ZNF544: variants seen among roughly 807,000 people sequenced by gnomAD.
ZNF544 encodes zinc finger protein AF020591.
Under a neutral mutation model 13.5 loss-of-function variants are expected in ZNF544, and 10 were observed. The observed-to-expected ratio is 0.74, with a 90% CI of 0.46 to 1.25. ZNF544 has a LOEUF of 1.25. ZNF544 is among the 50% of genes most tolerant of loss of function. ZNF544 has a pLI of 0.00. For synonymous variants in ZNF544, 323 were observed against 300.5 expected (o/e 1.07, Z -0.77); for missense variants, 896 against 845.6 (o/e 1.06, Z -0.74).
At chr19:58,230,745 T>A (rs578101533) in intron 3 of ZNF544, among the ~76,000 whole-genome samples, 67 of 152,156 alleles carry the variant, frequency 4.4e-4, no homozygotes, top group African/African-American at 1.6e-3. Context: ...AGAGTGTTGG[T>A]CACTCTGTTC....
intron 3 of ZNF544, among the ~76,000 whole-genome samples, chr19:58,238,735 C>T (rs1380551205): frequency 6.6e-6 from 1 of 152,084 alleles, no homozygotes; most frequent in Non-Finnish European, 1.5e-5. Flanking sequence ...TTGTAGGGAT[C>T]ATTGTGGTGA....
chr19:58,269,693 G>T (rs2050390546), intron 5 of ZNF544, among the ~76,000 whole-genome samples: 1 of 151,996 alleles, frequency 6.6e-6, no homozygotes, highest in African/African-American at 2.4e-5. Context: ...GACCGAGGCA[G>T]GTGGATCACT....
intron 3 of ZNF544, among the ~76,000 whole-genome samples, chr19:58,233,451 G>C (rs2041775918): frequency 6.6e-6 from 1 of 152,104 alleles, no homozygotes; most frequent in Non-Finnish European, 1.5e-5. Flanking sequence ...CAAAAATTGT[G>C]TACTTAAAGG....
chr19:58,265,048 C>G (rs2049685047), downstream of ZNF544, among the ~76,000 whole-genome samples: 1 of 152,140 alleles, frequency 6.6e-6, no homozygotes, highest in Non-Finnish European at 1.5e-5. Flanking sequence ...CTGAATATTT[C>G]AGGGATTCGG....
At position 58,261,394 on chromosome 19, in the gene ZNF544, C is replaced by T. The variant is rs1555768087; in HGVS notation, c.788C>T (p.Thr263Ile). The T allele has an allele frequency of 6.2e-7, 1 of 1,614,126 alleles. No homozygotes were observed. Among genetic ancestry groups the T allele is most frequent in the Non-Finnish European group, 8.5e-7 (1 of 1,180,034 alleles). Residue 263 changes from threonine to isoleucine, a missense_variant, in exon 7 of 7, where the codon ACT (threonine) becomes ATT (isoleucine). Physicochemically the swap from Thr to Ile is moderately conservative, Grantham distance 89. Transcript: ENST00000687789. The part of the protein sequence containing the change: ...YGSSLCFHGR[T>I]FSVKKSDDCK... ...TCCTCCCTTTGTTTTCATGGTAGAACTTTTTCAGTGAAGAAAAGTGATGAC... is the reference window on the plus strand; with the variant it reads ...TCCTCCCTTTGTTTTCATGGTAGAATTTTTTCAGTGAAGAAAAGTGATGAC...
chr19:58,262,978 C>T lies in ZNF544; in HGVS notation c.*224C>T. 7.4e-7 allele frequency: 1 copy of T among 1,358,606 alleles called. No homozygotes were observed. The highest frequency in any genetic ancestry group is 9.5e-7 in the Non-Finnish European group (1 of 1,056,760). 84.2% of individuals were successfully genotyped at this position (1,358,606 alleles called of 1,614,324 possible). On this transcript the variant is annotated 3_prime_UTR_variant, in exon 7 of 7. Coordinates refer to ENST00000687789, the MANE Select transcript of ZNF544 (RefSeq NM_014480.4). Reference sequence around the variant, plus strand: ...CCCTTAGTAAACACGAGAGGACACACACTGGAGGCAAACCCTATGAATGTG... The same window carrying T: ...CCCTTAGTAAACACGAGAGGACACATACTGGAGGCAAACCCTATGAATGTG...
intron 6 of ZNF544, 124 bp from the exon 7 acceptor site, chr19:58,260,727 T>C (rs577547946): frequency 1.1e-6 from 1 of 897,382 alleles, no homozygotes; most frequent in East Asian, 2.7e-5. Context: ...TGCATACGGA[T>C]TACAGTTTGT....
At chr19:58,260,233 A>T (rs1361956993) in intron 6 of ZNF544, 1 of 152,386 alleles carries the variant, frequency 6.6e-6, no homozygotes, top group South Asian at 2.1e-4. Flanking sequence ...TATATCCTGC[A>T]GACCCAGTTC....
In ZNF544 at chr19:58,261,807, A is replaced by G. The variant is rs200101661; in HGVS notation, c.1201A>G (p.Thr401Ala). ...QSYDLVIHQR[T>A]HTGEKPYECD... is the part of the protein sequence containing the mutation. ...CTATGACCTTGTCATACATCAGAGG[A>G]CACACACTGGAGAGAAGCCCTATGA... is the stretch of plus-strand genomic sequence containing the variant. The change falls in exon 7 of 7, where the codon ACA becomes GCA. Residue 401 changes from threonine (T) to alanine (A), a missense_variant. By Grantham distance (58) the Thr-to-Ala change is moderately conservative. Coordinates refer to ENST00000687789, the MANE Select transcript of ZNF544 (RefSeq NM_014480.4). The G allele has an allele frequency of 2.1e-5, 34 of 1,613,934 alleles. No individual in the cohort carries two copies. The highest frequency in any genetic ancestry group is 2.9e-5 in the Non-Finnish European group (34 of 1,180,022).
chr19:58,271,860 T>TA (rs1205236902), intron 5 of ZNF544, among the ~76,000 whole-genome samples: 3 of 151,970 alleles, frequency 2.0e-5, no homozygotes, highest in Admixed American at 1.3e-4. Flanking sequence ...TCTGACAATT[T>TA]AAAAAATCAA....
chr19:58,237,062 CTT>C lies in ZNF544; in HGVS notation c.-60+6616_-60+6617del, dbSNP rs869237830. 5.6e-3 allele frequency among the ~76,000 whole-genome samples: 753 copies of C among 133,292 alleles called. 7 individuals carry two copies. Among genetic ancestry groups the C allele is most frequent in the African/African-American group, 0.02 (710 of 36,390 alleles). The allele number at this position is 133,292 out of a possible 152,430, so 87.4% of individuals were successfully genotyped here. The stretch of plus-strand genomic sequence containing the variant: ...GGCCTCATTCTATGAAACTTTTTAC[CTT>C]TTTTTTTTTTTTTTTCCCCACATAG... On this transcript the variant is annotated intron_variant, in intron 3 of 6. Transcript: ENST00000687789.
chr19:58,263,770 G>A (rs1403012786), downstream of ZNF544: 2 of 174,078 alleles, frequency 1.1e-5, no homozygotes, highest in African/African-American at 4.8e-5. Flanking sequence ...AGACCAGCCT[G>A]GCAAACATGG....
intron 5 of ZNF544, among the ~76,000 whole-genome samples, chr19:58,276,106 A>T (rs762320453): frequency 6.6e-5 from 10 of 152,142 alleles, no homozygotes; most frequent in Admixed American, 1.3e-4. Context: ...GAGCCTGGGA[A>T]GTGGAGGTTA....
Position 58,262,886 on chromosome 19 carries a change from A to G in ZNF544, c.*132A>G. The G allele has an allele frequency of 6.7e-7, 1 of 1,491,630 alleles. No individual in the cohort carries two copies. The highest frequency in any genetic ancestry group is 8.9e-7 in the Non-Finnish European group (1 of 1,127,144). The allele number at this position is 1,491,630 out of a possible 1,614,324, so 92.4% of individuals were successfully genotyped here. A position where few individuals can be genotyped will look rare whatever the true frequency, so the allele number is the denominator to read the frequency against. On this transcript the variant is annotated 3_prime_UTR_variant, in exon 7 of 7. Coordinates refer to ENST00000687789, the MANE Select transcript of ZNF544 (RefSeq NM_014480.4). Reference sequence around the variant, plus strand: ...GCGGTTGTGACTCATTGAACATCAGAGGACATATCCTGGAGAAAAGCCCTA... The same window carrying G: ...GCGGTTGTGACTCATTGAACATCAGGGGACATATCCTGGAGAAAAGCCCTA...
Position 58,261,963 on chromosome 19 carries a change from G to T in ZNF544, c.1357G>T (p.Val453Leu), listed in dbSNP as rs752709185. 7.4e-6 allele frequency: 12 copies of T among 1,612,610 alleles called. No homozygotes were observed. The highest frequency in any genetic ancestry group is 7.6e-6 in the Non-Finnish European group (9 of 1,179,682). ...KSFRWNSNLI[V>L]HQRIHTGEKP... Reference sequence around the variant, plus strand: ...CTTCAGGTGGAACTCTAACCTCATTGTACATCAGAGAATTCATACTGGAGA... The same window carrying T: ...CTTCAGGTGGAACTCTAACCTCATTTTACATCAGAGAATTCATACTGGAGA... Residue 453 changes from valine (V) to leucine (L), a missense_variant, in exon 7 of 7, where the codon GTA becomes TTA. Transcript: ENST00000687789.
Position 58,262,925 on chromosome 19 carries a change from T to C in ZNF544, c.*171T>C, listed in dbSNP as rs185210822. Reference sequence around the variant, plus strand: ...AGAAAAGCCCTACGAATGCATTGATTGTGGGAAAGCCTTCAATGATCGCTC... The same window carrying C: ...AGAAAAGCCCTACGAATGCATTGATCGTGGGAAAGCCTTCAATGATCGCTC... On this transcript the variant is annotated 3_prime_UTR_variant, in exon 7 of 7. Coordinates refer to ENST00000687789, the MANE Select transcript of ZNF544 (RefSeq NM_014480.4). The C allele has an allele frequency of 8.1e-5, 117 of 1,445,552 alleles. No individual in the cohort carries two copies. The East Asian group carries it at 2.8e-3, about 35-fold the overall frequency. 89.5% of individuals were successfully genotyped at this position (1,445,552 alleles called of 1,614,324 possible).
chr19:58,241,180 T>TATATATATATA lies in ZNF544; in HGVS notation c.-59-2785_-59-2784insATATATATATA, dbSNP rs1491408473. On this transcript the variant is annotated intron_variant, in intron 3 of 6. Coordinates refer to ENST00000687789, the MANE Select transcript of ZNF544 (RefSeq NM_014480.4). ...ATATTTAAATATATATATATATATA[T>TATATATATATA]TTTTTTTTTTTTGTAGAGATAGGGT... Among the ~76,000 whole-genome samples, 146 of 67,264 alleles carry TATATATATATA rather than the reference T, an allele frequency of 2.2e-3. 3 individuals are homozygous for TATATATATATA. Among genetic ancestry groups the TATATATATATA allele is most frequent in the East Asian group, 0.014 (28 of 2,050 alleles). The allele number at this position is 67,264 out of a possible 152,430, so 44.1% of individuals were successfully genotyped here.
At chr19:58,272,160 C>G (rs1468826350) in intron 5 of ZNF544, among the ~76,000 whole-genome samples, 1 of 96,426 alleles carries the variant, frequency 1.0e-5, no homozygotes, top group South Asian at 3.6e-4. Flanking sequence ...GACTCCTTGA[C>G]AGGAAAAAAA....
chr19:58,274,288 A>G (rs531371350), intron 5 of ZNF544, among the ~76,000 whole-genome samples: 1 of 152,252 alleles, frequency 6.6e-6, no homozygotes, highest in East Asian at 1.9e-4. Context: ...TTATTTGGAG[A>G]CAGTGTCTTT....
Sources: allele counts gnomAD v4.1 joint callset (sites outside exome capture counted in the v4.1 genomes callset), GRCh38; gene constraint gnomAD v4.1.1; transcripts MANE v1.5; gene names NCBI Gene and HGNC (gene_info 2026-07-23, HGNC 2026-07-21).